Variants in HIVEP3 observed in about 807,000 individuals in gnomAD.
HIVEP3 encodes the protein transcription factor HIVEP3.
A neutral mutation model predicts 152.8 loss-of-function variants in HIVEP3; 49 were observed. The observed-to-expected ratio is 0.32, with a 90% CI of 0.26 to 0.41. HIVEP3 has a LOEUF of 0.41. Ranked by LOEUF, HIVEP3 falls within the 10% of genes least tolerant of loss-of-function variation. The pLI, the probability that HIVEP3 is intolerant of heterozygous loss-of-function variation, is 1.00. For missense variants in HIVEP3, 2,790 were observed against 3,103.3 expected, an observed-to-expected ratio of 0.90 and a Z score of 2.40; for synonymous variants, 1,269 against 1,289.0, an observed-to-expected ratio of 0.98 and a Z score of 0.33.
chr1:41,939,340 G>A (rs965928238), intron 1 of HIVEP3, among the ~76,000 whole-genome samples: 6 of 152,126 alleles, frequency 3.9e-5, no homozygotes, highest in African/African-American at 1.4e-4. Flanking sequence ...GTGAACTCCA[G>A]AATTTGGGAA....
chr1:41,885,835 C>T (rs1644338375), intron 1 of HIVEP3, among the ~76,000 whole-genome samples: 1 of 139,294 alleles, frequency 7.2e-6, no homozygotes, highest in Non-Finnish European at 1.5e-5. Context: ...CTGAGCACTT[C>T]TTTCCCAGGC....
chr1:41,731,911 A>C (rs1366080738), intron 1 of HIVEP3, among the ~76,000 whole-genome samples: 1 of 152,256 alleles, frequency 6.6e-6, no homozygotes, highest in Non-Finnish European at 1.5e-5. Flanking sequence ...AATAGATAAC[A>C]AAACCATGTG....
chr1:41,948,240 A>G (rs547192253), intron 1 of HIVEP3, among the ~76,000 whole-genome samples: 1 of 152,378 alleles, frequency 6.6e-6, no homozygotes, highest in African/African-American at 2.4e-5. Flanking sequence ...TCCAGGAACT[A>G]GTGCTCAGCT....
chr1:41,776,112 A>T (rs1648690636), intron 1 of HIVEP3, among the ~76,000 whole-genome samples: 1 of 152,244 alleles, frequency 6.6e-6, no homozygotes, highest in South Asian at 2.1e-4. Flanking sequence ...GCATTTAAAC[A>T]AAGCCCTCAG....
At chr1:41,858,149 C>T (rs1294389675) in intron 1 of HIVEP3, among the ~76,000 whole-genome samples, 1 of 152,088 alleles carries the variant, frequency 6.6e-6, no homozygotes, top group Non-Finnish European at 1.5e-5. Context: ...AAGTTTTACC[C>T]AGTAATCAAT....
chr1:41,614,273 C>T (rs1000738183), intron 3 of HIVEP3, among the ~76,000 whole-genome samples: 7 of 152,206 alleles, frequency 4.6e-5, no homozygotes, highest in Admixed American at 2.0e-4. Flanking sequence ...GTGAGAGAGG[C>T]GTGTCAAGGG....
At chr1:41,928,303 C>T (rs1644978139) in intron 1 of HIVEP3, among the ~76,000 whole-genome samples, 1 of 152,090 alleles carries the variant, frequency 6.6e-6, no homozygotes, top group Non-Finnish European at 1.5e-5. Context: ...CCTTATAGCA[C>T]AGAGGATTCT....
At chr1:41,843,642 C>T (rs975252399) in intron 1 of HIVEP3, among the ~76,000 whole-genome samples, 1 of 151,902 alleles carries the variant, frequency 6.6e-6, no homozygotes, top group Non-Finnish European at 1.5e-5. Flanking sequence ...CTACAGCCAA[C>T]GTGACTCACC....
At position 41,513,646 on chromosome 1, in the gene HIVEP3, GGTCTGA is replaced by G; in HGVS notation, c.5569_5574del (p.Ser1857_Asp1858del). On this transcript the variant is annotated inframe_deletion, in exon 8 of 9. Coordinates refer to ENST00000372583, the MANE Select transcript of HIVEP3 (RefSeq NM_024503.5). ...TCATCCTCATCCTCGTCTTCGTCCA[GGTCTGA>G]GTCTGAGTCCGAGTCCTCCAGGTCC... The G allele has an allele frequency of 6.2e-7, 1 of 1,613,898 alleles. No homozygotes were observed. The highest frequency in any genetic ancestry group is 1.3e-5 in the African/African-American group (1 of 75,046).
At chr1:41,814,701 C>T (rs1651160765) in intron 1 of HIVEP3, among the ~76,000 whole-genome samples, 1 of 152,192 alleles carries the variant, frequency 6.6e-6, no homozygotes, top group East Asian at 1.9e-4. Context: ...CAACTGAAAG[C>T]TTTATTATGC....
At chr1:41,656,504 C>A (rs993983357) in intron 2 of HIVEP3, among the ~76,000 whole-genome samples, 1 of 152,192 alleles carries the variant, frequency 6.6e-6, no homozygotes, top group Admixed American at 6.5e-5. Flanking sequence ...GGAACACGTA[C>A]GTGCTTATTA....
chr1:41,975,401 G>A (rs991159457), intron 1 of HIVEP3, among the ~76,000 whole-genome samples: 4 of 152,190 alleles, frequency 2.6e-5, no homozygotes, highest in African/African-American at 9.6e-5. Flanking sequence ...TAAGAATGCA[G>A]CAGGAATGCC....
intron 1 of HIVEP3, among the ~76,000 whole-genome samples, chr1:41,802,698 A>G (rs1489776808): frequency 2.0e-5 from 3 of 152,228 alleles, no homozygotes; most frequent in African/African-American, 7.2e-5. Flanking sequence ...TGGGAATGAC[A>G]TGTAACAATT....
chr1:41,636,876 T>C (rs1393922168), intron 2 of HIVEP3, among the ~76,000 whole-genome samples: 3 of 150,090 alleles, frequency 2.0e-5, no homozygotes, highest in Non-Finnish European at 4.4e-5. Context: ...GGAGAATCGC[T>C]TGAAACCGGG....
intron 5 of HIVEP3, among the ~76,000 whole-genome samples, chr1:41,571,868 C>A (rs1183519260): frequency 6.6e-6 from 1 of 152,210 alleles, no homozygotes; most frequent in Non-Finnish European, 1.5e-5. Context: ...TGGAGAAAAG[C>A]ATGACACAGG....
chr1:41,778,397 G>A (rs907488269), intron 1 of HIVEP3, among the ~76,000 whole-genome samples: 6 of 152,182 alleles, frequency 3.9e-5, no homozygotes, highest in Non-Finnish European at 7.3e-5. Flanking sequence ...GAGCCTGCCC[G>A]GCTTGGCATA....
At chr1:41,906,595 T>C (rs901044372) in intron 1 of HIVEP3, among the ~76,000 whole-genome samples, 9 of 152,172 alleles carry the variant, frequency 5.9e-5, no homozygotes, top group African/African-American at 2.2e-4. Context: ...GAATGTTCTA[T>C]ATTTTGATGG....
chr1:42,000,627 C>T (rs1048408571), intron 1 of HIVEP3, among the ~76,000 whole-genome samples: 17 of 152,130 alleles, frequency 1.1e-4, no homozygotes, highest in Non-Finnish European at 2.4e-4. Flanking sequence ...CACCATAAGC[C>T]CCAGACAGTT....
rs749883395 is a variant in HIVEP3, at chr1:41,584,732, G to A, written c.66C>T (p.Thr22=). The change falls in exon 4 of 9, where the codon ACC becomes ACT. Residue 22 remains threonine (T), a synonymous_variant. Transcript: ENST00000372583. The surrounding 1 kb of genome is among the most constrained non-coding windows in gnomAD (Gnocchi z 5.2). The stretch of plus-strand genomic sequence containing the variant: ...CACTGGTCTGAATGGCCTCTCCTTT[G>A]GTCAGCCGCTTCCGGGGACTTCCCT... ...KAEGSPRKRL[T]KGEAIQTSVS... 20 of 1,528,418 alleles carry A rather than the reference G, an allele frequency of 1.3e-5. No homozygotes were observed. The highest frequency in any genetic ancestry group is 6.6e-5 in the Admixed American group (3 of 45,654). The allele number at this position is 1,528,418 out of a possible 1,614,324, so 94.7% of individuals were successfully genotyped here. A position where few individuals can be genotyped will look rare whatever the true frequency, so the allele number is the denominator to read the frequency against.
Sources: allele counts gnomAD v4.1 joint callset (sites outside exome capture counted in the v4.1 genomes callset), GRCh38; gene constraint gnomAD v4.1.1; non-coding constraint Gnocchi (gnomAD v3.1); transcripts MANE v1.5; gene names NCBI Gene and HGNC (gene_info 2026-07-23, HGNC 2026-07-21).